The following COA1 variants were observed in gnomAD, a reference collection of about 807,000 sequenced individuals.
The protein encoded by COA1 is cytochrome c oxidase assembly factor 1, also known as cytochrome c oxidase assembly factor 1 homolog.
Under a neutral mutation model 16.0 loss-of-function variants are expected in COA1, and 13 were observed. That is an observed-to-expected ratio of 0.81 (90% CI 0.53 to 1.29). COA1 has a LOEUF of 1.29. COA1 is among the 50% of genes most tolerant of loss of function. The pLI is 0.00. For missense variants in COA1, 179 were observed against 177.0 expected, an observed-to-expected ratio of 1.01 and a Z score of -0.06; for synonymous variants, 65 against 65.7, an observed-to-expected ratio of 0.99 and a Z score of 0.05.
chr7:43,708,887 A>G (rs965522529), intron 1 of COA1, among the ~76,000 whole-genome samples: 1 of 152,070 alleles, frequency 6.6e-6, no homozygotes, highest in African/African-American at 2.4e-5. Context: ...CTTAAACATG[A>G]TTTTTGATAA....
At chr7:43,614,255 C>T (rs753033700) in intron 6 of COA1, among the ~76,000 whole-genome samples, 13 of 152,214 alleles carry the variant, frequency 8.5e-5, no homozygotes, top group African/African-American at 1.2e-4. Context: ...CCTACAGCCA[C>T]CATCTATTTA....
chr7:43,635,704 T>C (rs2085753056), downstream of COA1, among the ~76,000 whole-genome samples: 2 of 152,178 alleles, frequency 1.3e-5, no homozygotes, highest in Admixed American at 1.3e-4. Context: ...CCACTACATA[T>C]CACTGGACTC....
At position 43,648,597 on chromosome 7, in the gene COA1, T is replaced by C; in HGVS notation, c.15+3A>G. Reference sequence around the variant, plus strand: ...GGAACTTGGCCCTGGAACATTCCATTACCTTTTGCCACATCATAGCACAAC... The same window carrying C: ...GGAACTTGGCCCTGGAACATTCCATCACCTTTTGCCACATCATAGCACAAC... On this transcript the variant is annotated splice_donor_region_variant and intron_variant, in intron 2 of 5. Transcript: ENST00000223336. The C allele has an allele frequency of 6.2e-7, 1 of 1,614,140 alleles. No homozygotes were observed. The highest frequency in any genetic ancestry group is 8.5e-7 in the Non-Finnish European group (1 of 1,179,986).
rs750122987 is a variant in COA1 at position 43,662,386 on chromosome 7, C to T, written c.-38-13734G>A. On this transcript the variant is annotated intron_variant, in intron 1 of 5. Transcript: ENST00000223336. The stretch of plus-strand genomic sequence containing the variant: ...CTGGGACTACAGGCACCTGCCACCA[C>T]GCCCAGCTAAATTTTTTTGTATTTT... Among the ~76,000 whole-genome samples, 5 of 152,306 alleles carry T rather than the reference C, an allele frequency of 3.3e-5. No homozygotes were observed. The East Asian group carries it at 7.7e-4, about 23-fold the overall frequency.
intron 1 of COA1, among the ~76,000 whole-genome samples, chr7:43,687,727 G>A (rs2094104386): frequency 6.6e-6 from 1 of 151,896 alleles, no homozygotes; most frequent in Admixed American, 6.6e-5. Context: ...AACATATCAT[G>A]CATTCTTCCA....
chr7:43,619,672 T>C (rs1433063094), intron 6 of COA1: 8 of 1,614,152 alleles, frequency 5.0e-6, no homozygotes, highest in East Asian at 2.2e-5. Context: ...TTCAAGAATA[T>C]TGAAGAACAG....
At chr7:43,690,938 C>T (rs978857897) in intron 1 of COA1, among the ~76,000 whole-genome samples, 2 of 151,082 alleles carry the variant, frequency 1.3e-5, no homozygotes, top group African/African-American at 4.9e-5. Flanking sequence ...CATCATCAGG[C>T]CAGGGATGGT....
At position 43,624,603 on chromosome 7, in the gene COA1, G is replaced by T. The variant is rs536016170; in HGVS notation, c.*133+14846C>A. The T allele has an allele frequency of 1.1e-5, 17 of 1,614,106 alleles. No homozygotes were observed. The South Asian group carries it at 1.6e-4, about 16-fold the overall frequency. ...AGAGCCTTCTTTCAGGATGGAAAAGGCACTAGAAGAAGCAAATGCCCTCCA... is the reference window on the plus strand; with the variant it reads ...AGAGCCTTCTTTCAGGATGGAAAAGTCACTAGAAGAAGCAAATGCCCTCCA... On this transcript the variant is annotated intron_variant and NMD_transcript_variant, in intron 6 of 6. Transcript: ENST00000415076.
At chr7:43,727,040 G>T (rs532494344) in intron 1 of COA1, among the ~76,000 whole-genome samples, 1 of 152,274 alleles carries the variant, frequency 6.6e-6, no homozygotes, top group East Asian at 1.9e-4. Flanking sequence ...AACGTTTCAG[G>T]TGGTGGACAT....
intron 1 of COA1, among the ~76,000 whole-genome samples, chr7:43,655,772 C>T (rs899033064): frequency 2.6e-5 from 4 of 152,300 alleles, no homozygotes; most frequent in Admixed American, 6.5e-5. Flanking sequence ...CTGTATGACT[C>T]GCTTCAACCA....
At chr7:43,632,343 C>G (rs2085262288) in intron 6 of COA1, 1 of 152,500 alleles carries the variant, frequency 6.6e-6, no homozygotes, top group Non-Finnish European at 1.5e-5. Flanking sequence ...ATTTTCAGCC[C>G]ATCTACAGTT....
intron 1 of COA1, among the ~76,000 whole-genome samples, chr7:43,705,993 C>G (rs538963804): frequency 6.6e-6 from 1 of 152,212 alleles, no homozygotes; most frequent in South Asian, 2.1e-4. Context: ...TGCCTTCTTT[C>G]CAAAGATCTG....
intron 1 of COA1, among the ~76,000 whole-genome samples, chr7:43,670,031 A>T (rs1474907384): frequency 1.3e-5 from 2 of 152,286 alleles, no homozygotes; most frequent in African/African-American, 2.4e-5. Context: ...GATTCTAGAT[A>T]AAAAAAGAAG....
chr7:43,617,599 A>T (rs1437359513), intron 6 of COA1, among the ~76,000 whole-genome samples: 1 of 152,106 alleles, frequency 6.6e-6, no homozygotes, highest in Non-Finnish European at 1.5e-5. Context: ...ATGATTTAGG[A>T]AGGAAAATAG....
At chr7:43,664,127 G>GAGAGAGAGAGAGAGAGAGATAGAGAGAT (rs1231238244) in intron 1 of COA1, among the ~76,000 whole-genome samples, 2 of 150,670 alleles carry the variant, frequency 1.3e-5, no homozygotes, top group African/African-American at 4.9e-5. Context: ...GAGAGAGAGA[G>GAGAGAGAGAGAGAGAGAGATAGAGAGAT]AGAGTCTTGC....
At chr7:43,656,069 T>G (rs1251154672) in intron 1 of COA1, 1 of 152,224 alleles carries the variant, frequency 6.6e-6, no homozygotes, top group Admixed American at 6.5e-5. Flanking sequence ...GTCATGGACA[T>G]TCTAGTTTAA....
At chr7:43,693,337 G>A (rs2094434310) in intron 1 of COA1, among the ~76,000 whole-genome samples, 1 of 152,050 alleles carries the variant, frequency 6.6e-6, no homozygotes, top group African/African-American at 2.4e-5. Context: ...TTTAGCTCCT[G>A]GCTATGACAC....
At chr7:43,630,724 G>A (rs1057523) in intron 6 of COA1, among the ~76,000 whole-genome samples, 56,293 of 151,960 alleles carry the variant, frequency 0.37, 10,659 homozygotes, top group Admixed American at 0.45. Flanking sequence ...ACATCTTTAC[G>A]TAACTACAGG....
At chr7:43,655,144 TTTG>T (rs1327555930) in intron 1 of COA1, among the ~76,000 whole-genome samples, 3 of 152,176 alleles carry the variant, frequency 2.0e-5, no homozygotes, top group African/African-American at 7.2e-5. Flanking sequence ...CATCTAGTGT[TTTG>T]TTATTTTACT....
Sources: allele counts gnomAD v4.1 joint callset (sites outside exome capture counted in the v4.1 genomes callset), GRCh38; gene constraint gnomAD v4.1.1; transcripts MANE v1.5; gene names NCBI Gene and HGNC (gene_info 2026-07-23, HGNC 2026-07-21).